The following LRBA variants were observed in gnomAD, a reference collection of about 807,000 sequenced individuals.
The protein encoded by LRBA is LPS responsive beige-like anchor protein, also known as lipopolysaccharide-responsive and beige-like anchor protein.
LRBA carries 176 observed loss-of-function variants against 330.0 expected under a neutral mutation model. The observed-to-expected ratio is 0.53, with a 90% confidence interval of 0.47 to 0.60. LRBA has a LOEUF of 0.60. Among genes scored for constraint, LRBA ranks in the 20% least tolerant of loss-of-function variants. The probability of loss-of-function intolerance (pLI) is 0.00; values close to 1 mark genes in which losing one functional copy is unlikely to be tolerated. For synonymous variants in LRBA, 1,230 were observed against 1,193.0 expected, an observed-to-expected ratio of 1.03 and a Z score of -0.64; for missense variants, 3,259 against 3,444.8, an observed-to-expected ratio of 0.95 and a Z score of 1.35.
intron 40 of LRBA, among the ~76,000 whole-genome samples, chr4:150,491,865 T>C (rs1758992426): frequency 6.6e-6 from 1 of 152,188 alleles, no homozygotes; most frequent in South Asian, 2.1e-4. Flanking sequence ...AGCATTTCTC[T>C]ACACCAGTAC....
chr4:150,922,464 G>A (rs1304145038), intron 4 of LRBA, among the ~76,000 whole-genome samples: 2 of 150,712 alleles, frequency 1.3e-5, no homozygotes, highest in Non-Finnish European at 3.0e-5. Flanking sequence ...ATCAGCATTT[G>A]CAGTGACCTG....
intron 22 of LRBA, among the ~76,000 whole-genome samples, chr4:150,865,595 A>C (rs1752572593): frequency 6.6e-6 from 1 of 152,192 alleles, no homozygotes; most frequent in Non-Finnish European, 1.5e-5. Context: ...ACCCTTGTAG[A>C]AGCATACTTT....
At position 150,921,066 on chromosome 4, in the gene LRBA, A is replaced by G. The variant is rs1051490540; in HGVS notation, c.645+132T>C. The G allele has an allele frequency of 5.9e-5, 34 of 573,088 alleles. 1 individual carries two copies. The highest frequency in any genetic ancestry group is 5.4e-4 in the Middle Eastern group (2 of 3,720). 35.5% of individuals were successfully genotyped at this position (573,088 alleles called of 1,614,324 possible). A position where few individuals can be genotyped will look rare whatever the true frequency, so the allele number is the denominator to read the frequency against. On this transcript the variant is annotated intron_variant, in intron 5 of 56. Transcript: ENST00000651943. ...CAAAAAAGTAACATGCACGACTATC[A>G]TAAGGATTAAAGTATGTTGAGCAGA...
At chr4:150,851,258 A>G (rs10012720) in intron 23 of LRBA, among the ~76,000 whole-genome samples, 54,989 of 152,068 alleles carry the variant, frequency 0.36, 11,540 homozygotes, top group Middle Eastern at 0.47. Flanking sequence ...TGGATTATGA[A>G]GTGGCTAGAA....
intron 2 of LRBA, among the ~76,000 whole-genome samples, chr4:150,992,410 T>C (rs1440458759): frequency 6.6e-6 from 1 of 151,226 alleles, no homozygotes; most frequent in Non-Finnish European, 1.5e-5. Flanking sequence ...CACAGAGGTA[T>C]GTAAAGGCAA....
intron 40 of LRBA, among the ~76,000 whole-genome samples, chr4:150,513,143 T>C (rs1278629080): frequency 1.3e-5 from 2 of 152,190 alleles, no homozygotes; most frequent in African/African-American, 4.8e-5. Flanking sequence ...AAAAGTGCTA[T>C]TTACAGATGG....
At chr4:150,998,973 A>T (rs1476487092) in intron 2 of LRBA, among the ~76,000 whole-genome samples, 1 of 152,254 alleles carries the variant, frequency 6.6e-6, no homozygotes, top group Non-Finnish European at 1.5e-5. Flanking sequence ...TCACACATTC[A>T]TCACTTCGTT....
At chr4:150,639,829 A>G (rs1250833726) in intron 37 of LRBA, among the ~76,000 whole-genome samples, 448 of 14,446 alleles carry the variant, frequency 0.031, 90 homozygotes, top group Admixed American at 0.16. Flanking sequence ...GTATATATAT[A>G]TATATATATA....
intron 44 of LRBA, among the ~76,000 whole-genome samples, chr4:150,466,795 G>A (rs1476716319): frequency 6.6e-6 from 1 of 152,056 alleles, no homozygotes; most frequent in Non-Finnish European, 1.5e-5. Flanking sequence ...ATACAATTCT[G>A]AATATAAATT....
At chr4:151,004,483 T>C (rs1658143152) in intron 2 of LRBA, among the ~76,000 whole-genome samples, 1 of 152,200 alleles carries the variant, frequency 6.6e-6, no homozygotes. Flanking sequence ...TTCATCACAC[T>C]ACTCAGAACA....
chr4:150,478,254 A>G (rs1756931745), intron 42 of LRBA, among the ~76,000 whole-genome samples: 1 of 152,042 alleles, frequency 6.6e-6, no homozygotes. Context: ...TTCCTATTCA[A>G]CATTTCAATC....
rs1732463939 is a variant in LRBA, at chr4:150,321,186, C to T, written c.7630+5G>A. 6.2e-7 allele frequency: 1 copy of T among 1,605,554 alleles called. No individual in the cohort carries two copies. Among genetic ancestry groups the T allele is most frequent in the Non-Finnish European group, 8.5e-7 (1 of 1,177,020 alleles). On this transcript the variant is annotated splice_donor_5th_base_variant and intron_variant, in intron 50 of 56. Coordinates refer to ENST00000651943, the MANE Select transcript of LRBA (RefSeq NM_001364905.1). This position sits in a 1 kb window ranked among gnomAD's most constrained non-coding sequence, Gnocchi z 4.5. ...CATGCCTTATAATGGTATTTCTTTACTTACCAGGAAGGTTGTGCCATTTGT... is the reference window on the plus strand; with the variant it reads ...CATGCCTTATAATGGTATTTCTTTATTTACCAGGAAGGTTGTGCCATTTGT...
At chr4:150,909,759 C>T (rs1371137910) in intron 9 of LRBA, among the ~76,000 whole-genome samples, 1 of 152,134 alleles carries the variant, frequency 6.6e-6, no homozygotes, top group African/African-American at 2.4e-5. Flanking sequence ...AGCAGCTGCA[C>T]CATTTTTCAT....
At chr4:150,644,308 T>A (rs1239411341) in intron 37 of LRBA, among the ~76,000 whole-genome samples, 3 of 151,868 alleles carry the variant, frequency 2.0e-5, no homozygotes, top group Non-Finnish European at 4.4e-5. Context: ...TTAGAAAATT[T>A]AAAACAAATT....
At chr4:150,435,566 T>C (rs1408041590) in intron 46 of LRBA, 23 bp downstream of exon 46, 2 of 1,596,400 alleles carry the variant, frequency 1.3e-6, no homozygotes, top group Non-Finnish European at 1.7e-6. Flanking sequence ...CAATAACAAC[T>C]ATAAAACAAA....
chr4:150,949,733 G>C (rs1341796203), intron 2 of LRBA, among the ~76,000 whole-genome samples: 1 of 142,546 alleles, frequency 7.0e-6, no homozygotes, highest in East Asian at 2.1e-4. Flanking sequence ...TCAATTGGTA[G>C]AAAAATGAGA....
chr4:150,803,893 C>A (rs889746651), intron 33 of LRBA, among the ~76,000 whole-genome samples: 1 of 152,018 alleles, frequency 6.6e-6, no homozygotes, highest in Non-Finnish European at 1.5e-5. Context: ...ATAGAAGTGT[C>A]CATTGCTAAT....
At chr4:150,670,193 A>G (rs1385193337) in intron 37 of LRBA, among the ~76,000 whole-genome samples, 1 of 152,194 alleles carries the variant, frequency 6.6e-6, no homozygotes. Context: ...TGTATTGTAC[A>G]GTACTGTGGT....
chr4:150,799,431 G>T (rs894553132), intron 33 of LRBA, among the ~76,000 whole-genome samples: 3 of 152,132 alleles, frequency 2.0e-5, no homozygotes, highest in Admixed American at 6.5e-5. Context: ...CCCTCTGCTG[G>T]TCTGAAACCT....
Sources: gnomAD v4.1 joint callset for allele counts (sites outside exome capture counted in the v4.1 genomes callset) on GRCh38, gnomAD v4.1.1 for gene constraint, Gnocchi (gnomAD v3.1) non-coding constraint, MANE v1.5 for transcripts, NCBI Gene and HGNC (gene_info 2026-07-23, HGNC 2026-07-21) for gene names.